Variants in ATXN2 observed in about 807,000 individuals in gnomAD.
The protein encoded by ATXN2 is ataxin 2.
In ATXN2, 37 loss-of-function variants were observed where a neutral mutation model predicts 138.6. That is an observed-to-expected ratio of 0.27 (90% CI 0.21 to 0.35). The LOEUF (loss-of-function observed/expected upper bound fraction) is 0.35, where lower values mean the gene tolerates loss of function less well. Ranked by LOEUF, ATXN2 falls within the 10% of genes least tolerant of loss-of-function variation. The pLI is 1.00. For missense variants in ATXN2, 1,216 were observed against 1,480.3 expected (o/e 0.82, Z 2.93); for synonymous variants, 549 against 543.7 (o/e 1.01, Z -0.13).
chr12:111,534,650 C>A (rs1387955377), intron 5 of ATXN2, among the ~76,000 whole-genome samples: 1 of 151,200 alleles, frequency 6.6e-6, no homozygotes, highest in Admixed American at 6.6e-5. Context: ...ATGATGGAGA[C>A]CACTGGTTCT....
intron 1 of ATXN2, among the ~76,000 whole-genome samples, chr12:111,576,024 G>T (rs991455551): frequency 2.0e-5 from 3 of 152,212 alleles, no homozygotes; most frequent in Non-Finnish European, 4.4e-5. Flanking sequence ...GGAGGTTGCA[G>T]TAAGCCGAGA....
chr12:111,495,208 T>C (rs1878334411), intron 14 of ATXN2, among the ~76,000 whole-genome samples: 1 of 150,536 alleles, frequency 6.6e-6, no homozygotes, highest in African/African-American at 2.5e-5. Context: ...CTTGGGAGGC[T>C]GAGGCAGGAG....
At chr12:111,563,079 A>G (rs1882787860) in intron 1 of ATXN2, among the ~76,000 whole-genome samples, 1 of 152,200 alleles carries the variant, frequency 6.6e-6, no homozygotes, top group African/African-American at 2.4e-5. Flanking sequence ...CCAAAAATAA[A>G]TATCTGAATC....
chr12:111,562,109 C>G (rs536319015), intron 1 of ATXN2, among the ~76,000 whole-genome samples: 1 of 151,322 alleles, frequency 6.6e-6, no homozygotes, highest in Middle Eastern at 3.2e-3. Context: ...CTGCGCCCGG[C>G]CTCGAGACTC....
In ATXN2 at chr12:111,552,101, G is replaced by A. The variant is rs1018045684; in HGVS notation, c.571+179C>T. The stretch of plus-strand genomic sequence containing the variant: ...TCGCCATGTTGGCCAGGCTGGTCTC[G>A]AACTCCTGACCTCAGGTGATCCACC... On this transcript the variant is annotated intron_variant, in intron 5 of 24. Transcript: ENST00000673436. The surrounding 1 kb of genome is among the most constrained non-coding windows in gnomAD (Gnocchi z 4.1). Among the ~76,000 whole-genome samples, 3 of 151,820 alleles carry A rather than the reference G, an allele frequency of 2.0e-5. No individual in the cohort carries two copies. The highest frequency in any genetic ancestry group is 6.6e-5 in the Admixed American group (1 of 15,212).
chr12:111,464,750 T>C (rs546203235), intron 20 of ATXN2, 35 bp from the exon 21 acceptor site: 6 of 1,561,144 alleles, frequency 3.8e-6, no homozygotes, highest in African/African-American at 2.7e-5. Context: ...AATTAGCCTT[T>C]TGAGGTGTGC....
At chr12:111,537,002 C>T (rs1032887335) in intron 5 of ATXN2, among the ~76,000 whole-genome samples, 13 of 151,730 alleles carry the variant, frequency 8.6e-5, no homozygotes, top group African/African-American at 2.2e-4. Context: ...AGGCTGGTCT[C>T]GAACTCCCGG....
rs763962941 is a variant in ATXN2, at chr12:111,470,184, T to C, written c.2766A>G (p.Pro922=). 8 of 1,614,144 alleles carry C rather than the reference T, an allele frequency of 5.0e-6. No homozygotes were observed. Among genetic ancestry groups the C allele is most frequent in the South Asian group, 3.3e-5 (3 of 91,082 alleles). ...ATACTAAACCAGGCTGGGCGTGTGT[T>C]GGTGGTGCCATCATTCTAGCATTAC... ...IQGNARMMAP[P]THAQPGLVSS... is the part of the protein sequence containing the mutation. The change falls in exon 20 of 25, where the codon CCA becomes CCG. Residue 922 remains proline, a synonymous_variant. Transcript: ENST00000673436.
At chr12:111,589,085 C>T (rs1028752302) in intron 1 of ATXN2, among the ~76,000 whole-genome samples, 2 of 136,984 alleles carry the variant, frequency 1.5e-5, no homozygotes, top group Admixed American at 7.8e-5. Flanking sequence ...GAGGACGAGG[C>T]GGGTGGATCA....
At chr12:111,476,358 A>ACCTAACTGTATG (rs1469533337) in intron 18 of ATXN2, among the ~76,000 whole-genome samples, 2 of 152,242 alleles carry the variant, frequency 1.3e-5, no homozygotes, top group East Asian at 3.9e-4. Context: ...CTGAAGTAAC[A>ACCTAACTGTATG]CCTAACTGTA....
intron 22 of ATXN2, among the ~76,000 whole-genome samples, chr12:111,456,938 C>T (rs919222996): frequency 1.3e-5 from 2 of 151,940 alleles, no homozygotes; most frequent in Admixed American, 6.6e-5. Context: ...TTATTAGAGA[C>T]GGAGTTTCAC....
In ATXN2 at chr12:111,488,608, C is replaced by T. The variant is rs1380451259; in HGVS notation, c.2108G>A (p.Ser703Asn). The T allele has an allele frequency of 6.2e-7, 1 of 1,614,040 alleles. No homozygotes were observed. Among genetic ancestry groups the T allele is most frequent in the Non-Finnish European group, 8.5e-7 (1 of 1,180,046 alleles). The change falls in exon 15 of 25, where the codon AGC becomes AAC. Residue 703 changes from serine (S) to asparagine (N), a missense_variant. Ser to Asn is a conservative substitution (Grantham distance 46). Around this residue, in one of 4 missense-constraint regions of ATXN2, gnomAD observed 490 missense variants for 653.5 expected, o/e 0.75. Coordinates refer to ENST00000673436, the MANE Select transcript of ATXN2 (RefSeq NM_001372574.1). ...GTTACTAAGTATTGAAGGGGAAATG[C>T]TGGGGCTATTCGGCTTGCTGCTGCC... is the stretch of plus-strand genomic sequence containing the variant. ...TSGSSKPNSP[S>N]ISPSILSNTE...
At chr12:111,525,562 A>C (rs1279713864) in intron 5 of ATXN2, among the ~76,000 whole-genome samples, 2 of 152,248 alleles carry the variant, frequency 1.3e-5, no homozygotes, top group Non-Finnish European at 2.9e-5. Context: ...ACTGCTATCT[A>C]AACTGATACG....
intron 20 of ATXN2, among the ~76,000 whole-genome samples, chr12:111,467,184 C>T (rs1300593543): frequency 6.6e-6 from 1 of 151,704 alleles, no homozygotes; most frequent in Non-Finnish European, 1.5e-5. Context: ...GCTCTGTCAC[C>T]CAGGCTGGAT....
chr12:111,528,741 T>C (rs1323821275), intron 5 of ATXN2, among the ~76,000 whole-genome samples: 1 of 152,162 alleles, frequency 6.6e-6, no homozygotes, highest in Non-Finnish European at 1.5e-5. Flanking sequence ...TAGGGGAAGA[T>C]GTGCAGAAGT....
At position 111,509,581 on chromosome 12, in the gene ATXN2, C is replaced by T. The variant is rs572691272; in HGVS notation, c.1903G>A (p.Asp635Asn). 3.4e-6 allele frequency: 5 copies of T among 1,488,848 alleles called. No individual in the cohort carries two copies. In the Admixed American group the frequency reaches 9.0e-5, roughly 27 times the overall value. The allele number at this position is 1,488,848 out of a possible 1,614,324, so 92.2% of individuals were successfully genotyped here. ...TCATTCTTAAATTTCTTTAAATCAT[C>T]AATCTGTTTTCTATGTTCAGAAACA... ...PVVSEHRKQIDDLKKFKNDFR... is the reference protein window; with the variant it reads ...PVVSEHRKQINDLKKFKNDFR... Residue 635 changes from aspartate (D) to asparagine (N), a missense_variant, in exon 14 of 25, where the codon GAT becomes AAT. Asp to Asn is a conservative substitution (Grantham distance 23). Transcript: ENST00000673436.
At chr12:111,456,911 C>T (rs12427118) in intron 22 of ATXN2, among the ~76,000 whole-genome samples, 1 of 152,018 alleles carries the variant, frequency 6.6e-6, no homozygotes, top group Non-Finnish European at 1.5e-5. Context: ...CCACGCCCGG[C>T]TAATTTTTTT....
intron 5 of ATXN2, among the ~76,000 whole-genome samples, chr12:111,544,733 G>A (rs1881711015): frequency 6.6e-6 from 1 of 152,090 alleles, no homozygotes; most frequent in Non-Finnish European, 1.5e-5. Flanking sequence ...TACAGAAGAG[G>A]AAATTCTGAA....
In ATXN2 at chr12:111,481,102, G is replaced by A. The variant is rs146378570; in HGVS notation, c.2524+4163C>T. The stretch of plus-strand genomic sequence containing the variant: ...AGGCAGGCGGATCATTTGAGGTCAG[G>A]AGTTCAAGACCAGCCTGGCCAACAT... On this transcript the variant is annotated intron_variant, in intron 18 of 24. Coordinates refer to ENST00000673436, the MANE Select transcript of ATXN2 (RefSeq NM_001372574.1). 5.3e-3 allele frequency among the ~76,000 whole-genome samples: 808 copies of A among 152,242 alleles called. 3 individuals are homozygous for A. Among genetic ancestry groups the A allele is most frequent in the Non-Finnish European group, 7.3e-3 (496 of 68,008 alleles).
Sources: gnomAD v4.1 joint callset for allele counts (sites outside exome capture counted in the v4.1 genomes callset) on GRCh38, gnomAD v4.1.1 for gene constraint, gnomAD v4.1.1 regional missense constraint, Gnocchi (gnomAD v3.1) non-coding constraint, MANE v1.5 for transcripts, NCBI Gene and HGNC (gene_info 2026-07-23, HGNC 2026-07-21) for gene names.